SOX6: variants seen among roughly 807,000 people sequenced by gnomAD.
SOX6 encodes the protein SRY-box transcription factor 6.
SOX6 carries 11 observed loss-of-function variants against 97.8 expected under a neutral mutation model. That is an observed-to-expected ratio of 0.11 (90% CI 0.07 to 0.19). SOX6 has a LOEUF of 0.19. Ranked by LOEUF, SOX6 falls within the 10% of genes least tolerant of loss-of-function variation. The pLI, the probability that SOX6 is intolerant of heterozygous loss-of-function variation, is 1.00. For synonymous variants in SOX6, 360 were observed against 371.4 expected (o/e 0.97, Z 0.35); for missense variants, 810 against 1,039.5 (o/e 0.78, Z 3.04).
intron 9 of SOX6, among the ~76,000 whole-genome samples, chr11:16,092,945 G>A (rs1420317275): frequency 6.6e-6 from 1 of 151,008 alleles, no homozygotes; most frequent in African/African-American, 2.4e-5. Context: ...AAATTTACAT[G>A]ACTGCCTCAT....
At chr11:16,276,799 T>C (rs1229800548) in intron 3 of SOX6, among the ~76,000 whole-genome samples, 2 of 152,204 alleles carry the variant, frequency 1.3e-5, no homozygotes, top group Non-Finnish European at 2.9e-5. Context: ...TTTGTTTTAT[T>C]TGTTTTCTTT....
chr11:16,294,337 T>C (rs979597417), intron 3 of SOX6, among the ~76,000 whole-genome samples: 1 of 152,184 alleles, frequency 6.6e-6, no homozygotes, highest in South Asian at 2.1e-4. Flanking sequence ...TTTGTGTACA[T>C]GCCAGCTTTT....
intron 3 of SOX6, among the ~76,000 whole-genome samples, chr11:16,257,049 A>G (rs916551887): frequency 1.3e-5 from 2 of 151,884 alleles, no homozygotes; most frequent in African/African-American, 4.8e-5. Flanking sequence ...TCCTGATAAA[A>G]GATATTAAGG....
At chr11:16,225,737 T>C (rs908440970) in intron 4 of SOX6, among the ~76,000 whole-genome samples, 1 of 152,196 alleles carries the variant, frequency 6.6e-6, no homozygotes, top group African/African-American at 2.4e-5. Flanking sequence ...CAAAGATCTA[T>C]CATGCAGTGA....
chr11:16,720,889 T>A (rs1341031662), intron 2 of SOX6, among the ~76,000 whole-genome samples: 1 of 152,184 alleles, frequency 6.6e-6, no homozygotes, highest in Non-Finnish European at 1.5e-5. Flanking sequence ...CAGTAACTTT[T>A]CGAAGTTGAG....
chr11:16,205,483 T>G (rs1290920742), intron 4 of SOX6, among the ~76,000 whole-genome samples: 1 of 152,056 alleles, frequency 6.6e-6, no homozygotes, highest in East Asian at 1.9e-4. Context: ...AATATGGTAG[T>G]CTAAGTTCTT....
chr11:16,047,732 GTGTA>G (rs1315533561), intron 11 of SOX6, among the ~76,000 whole-genome samples: 6 of 150,458 alleles, frequency 4.0e-5, no homozygotes, highest in East Asian at 2.0e-4. Flanking sequence ...GTGTGTGTGT[GTGTA>G]TGTGTGTGTA....
intron 6 of SOX6, among the ~76,000 whole-genome samples, chr11:16,177,649 CAT>C (rs148887663): frequency 3.0e-4 from 33 of 109,788 alleles, no homozygotes; most frequent in Middle Eastern, 5.3e-3. Context: ...CTCTCTCTCT[CAT>C]TCTCTCTCTC....
chr11:16,648,185 C>G (rs772880950), intron 3 of SOX6, among the ~76,000 whole-genome samples: 1 of 152,114 alleles, frequency 6.6e-6, no homozygotes, highest in Non-Finnish European at 1.5e-5. Context: ...CACCATGGAG[C>G]AAGACTAGCC....
In SOX6 at chr11:16,471,629, C is replaced by T. The variant is rs191593778; in HGVS notation, c.-5+4686G>A. ...GGCCTGACTAGACAAATATTTCTATCGTTTTAGAAGCCTCATCTTTCAGTC... is the reference window on the plus strand; with the variant it reads ...GGCCTGACTAGACAAATATTTCTATTGTTTTAGAAGCCTCATCTTTCAGTC... On this transcript the variant is annotated intron_variant, in intron 1 of 15. Coordinates refer to the SOX6 transcript ENST00000396356. Among the ~76,000 whole-genome samples the T allele has an allele frequency of 1.8e-4, 28 of 152,288 alleles. No individual in the cohort carries two copies. In the East Asian group the frequency reaches 5.0e-3, roughly 27 times the overall value.
intron 1 of SOX6, among the ~76,000 whole-genome samples, chr11:16,473,547 A>G (rs1590216466): frequency 7.1e-6 from 1 of 141,462 alleles, no homozygotes; most frequent in Non-Finnish European, 1.5e-5. Flanking sequence ...GGGCTGTGAC[A>G]ATTCCTTTTT....
intron 1 of SOX6, among the ~76,000 whole-genome samples, chr11:16,430,452 A>C (rs1565143298): frequency 6.6e-6 from 1 of 152,176 alleles, no homozygotes; most frequent in African/African-American, 2.4e-5. Context: ...ATATGTTGAA[A>C]TCCTCATCCT....
intron 4 of SOX6, among the ~76,000 whole-genome samples, chr11:16,585,418 GA>G (rs1465099885): frequency 6.6e-6 from 1 of 152,116 alleles, no homozygotes; most frequent in Non-Finnish European, 1.5e-5. Flanking sequence ...TACAGGTAAG[GA>G]AACTGAGGCC....
intron 4 of SOX6, among the ~76,000 whole-genome samples, chr11:16,608,340 A>G: frequency 6.6e-6 from 1 of 152,212 alleles, no homozygotes. Flanking sequence ...GTTGAGAAGT[A>G]CTAAGAGATA....
At chr11:15,994,765 A>T (rs927275781) in intron 13 of SOX6, among the ~76,000 whole-genome samples, 6 of 152,186 alleles carry the variant, frequency 3.9e-5, no homozygotes, top group African/African-American at 1.4e-4. Flanking sequence ...AAAAGGTTCT[A>T]TTATAAAATC....
chr11:16,218,220 T>G (rs1398276920), intron 4 of SOX6, among the ~76,000 whole-genome samples: 1 of 152,122 alleles, frequency 6.6e-6, no homozygotes, highest in African/African-American at 2.4e-5. Flanking sequence ...AGGGCCACTT[T>G]TTTTTACTGA....
At chr11:16,380,049 T>C (rs1292794977) in intron 1 of SOX6, among the ~76,000 whole-genome samples, 2 of 151,850 alleles carry the variant, frequency 1.3e-5, no homozygotes, top group Non-Finnish European at 2.9e-5. Context: ...ATTAGATAGA[T>C]AGGCACAGAC....
chr11:16,233,663 G>A (rs1053900244), intron 4 of SOX6, among the ~76,000 whole-genome samples: 4 of 151,982 alleles, frequency 2.6e-5, no homozygotes, highest in Non-Finnish European at 5.9e-5. Flanking sequence ...ACTTCTTAAT[G>A]AGCCTATGAA....
At chr11:16,162,195 T>A (rs915273277) in intron 6 of SOX6, among the ~76,000 whole-genome samples, 1 of 152,210 alleles carries the variant, frequency 6.6e-6, no homozygotes, top group Non-Finnish European at 1.5e-5. Flanking sequence ...GCATCTTATA[T>A]CCTTCAAAAC....
Sources: gnomAD v4.1 joint callset for allele counts (sites outside exome capture counted in the v4.1 genomes callset) on GRCh38, gnomAD v4.1.1 for gene constraint, MANE v1.5 for transcripts, NCBI Gene and HGNC (gene_info 2026-07-23, HGNC 2026-07-21) for gene names.